Variants in SBF2 observed in about 807,000 individuals in gnomAD.
The protein encoded by SBF2 is SET binding factor 2.
SBF2 carries 112 observed loss-of-function variants against 225.2 expected under a neutral mutation model. That is an observed-to-expected ratio of 0.50 (90% CI 0.43 to 0.58). The LOEUF (loss-of-function observed/expected upper bound fraction) is 0.58, where lower values mean the gene tolerates loss of function less well. Among genes scored for constraint, SBF2 ranks in the 20% least tolerant of loss-of-function variants. The pLI, the probability that SBF2 is intolerant of heterozygous loss-of-function variation, is 0.00. For missense variants in SBF2, 1,996 were observed against 2,206.2 expected (o/e 0.90, Z 1.91); for synonymous variants, 763 against 773.3 (o/e 0.99, Z 0.22).
chr11:10,057,009 G>T (rs1950278635), intron 2 of SBF2, among the ~76,000 whole-genome samples: 1 of 152,116 alleles, frequency 6.6e-6, no homozygotes, highest in African/African-American at 2.4e-5. Context: ...TCCTACAGGT[G>T]CCTTTGGGCC....
intron 33 of SBF2, among the ~76,000 whole-genome samples, chr11:9,794,659 T>C (rs541311346): frequency 7.6e-4 from 76 of 99,866 alleles, no homozygotes; most frequent in African/African-American, 2.9e-3. Flanking sequence ...AGTGATACAG[T>C]GAGTGGGACT....
chr11:10,211,681 A>T (rs1484450215), intron 1 of SBF2, among the ~76,000 whole-genome samples: 1 of 152,216 alleles, frequency 6.6e-6, no homozygotes, highest in African/African-American at 2.4e-5. Flanking sequence ...AGATGAACAA[A>T]ATCCCTACAG....
At chr11:10,240,962 T>C (rs1173624776) in intron 1 of SBF2, among the ~76,000 whole-genome samples, 1 of 152,218 alleles carries the variant, frequency 6.6e-6, no homozygotes, top group African/African-American at 2.4e-5. Flanking sequence ...TCTAAAGATA[T>C]ACCAATTGTT....
In SBF2 at chr11:10,221,349, C is replaced by G. The variant is rs137939157; in HGVS notation, c.56-27362G>C. Among the ~76,000 whole-genome samples, 381 of 152,028 alleles carry G rather than the reference C, an allele frequency of 2.5e-3. 3 individuals are homozygous for G. Among genetic ancestry groups the G allele is most frequent in the African/African-American group, 8.8e-3 (367 of 41,470 alleles). Reference sequence around the variant, plus strand: ...GCCAGGCTAGTCTCAAACTCCTGACCTTAAGTGATCTGCCCGCCTCAGCCT... The same window carrying G: ...GCCAGGCTAGTCTCAAACTCCTGACGTTAAGTGATCTGCCCGCCTCAGCCT... On this transcript the variant is annotated intron_variant, in intron 1 of 39. Transcript: ENST00000256190.
At position 9,832,087 on chromosome 11, in the gene SBF2, T is replaced by C. The variant is rs1855434444; in HGVS notation, c.3652+137A>G. ...TAGTTCTTGTTTAAGCTGTACATGT[T>C]GCATGTAGCAAAGTGGAAAAGTTTG... On this transcript the variant is annotated intron_variant, in intron 27 of 39. Transcript: ENST00000256190. 5.4e-6 allele frequency: 4 copies of C among 738,032 alleles called. No individual in the cohort carries two copies. The South Asian group carries it at 6.0e-5, about 11-fold the overall frequency. The allele number at this position is 738,032 out of a possible 1,614,324, so 45.7% of individuals were successfully genotyped here.
intron 32 of SBF2, among the ~76,000 whole-genome samples, chr11:9,804,696 T>A (rs1026464909): frequency 6.6e-6 from 1 of 152,212 alleles, no homozygotes; most frequent in African/African-American, 2.4e-5. Context: ...AATAAACTTA[T>A]GTAGTAGTCT....
At position 9,993,566 on chromosome 11, in the gene SBF2, C is replaced by A. The variant is rs1947535342; in HGVS notation, c.1053+355G>T. 2.6e-5 allele frequency among the ~76,000 whole-genome samples: 4 copies of A among 152,230 alleles called. No individual in the cohort carries two copies. In the South Asian group the frequency reaches 6.2e-4, roughly 24 times the overall value. ...CTCCTATAACCAACATTCTTTATAT[C>A]CATTCTTGTAAGCATCTCTTTTGTT... On this transcript the variant is annotated intron_variant, in intron 10 of 39. Transcript: ENST00000256190.
chr11:10,210,202 G>C lies in SBF2; in HGVS notation c.56-16215C>G, dbSNP rs547440555. 9.1e-4 allele frequency among the ~76,000 whole-genome samples: 139 copies of C among 152,192 alleles called. 1 individual carries two copies. The highest frequency in any genetic ancestry group is 3.2e-3 in the African/African-American group (132 of 41,544). ...GCACACCTGTGGTCCCAGCTACACAGGAGGCTGAGGTGGCAGAATTGCTTG... is the reference window on the plus strand; with the variant it reads ...GCACACCTGTGGTCCCAGCTACACACGAGGCTGAGGTGGCAGAATTGCTTG... On this transcript the variant is annotated intron_variant, in intron 1 of 39. Transcript: ENST00000256190.
intron 9 of SBF2, among the ~76,000 whole-genome samples, chr11:9,995,306 C>T (rs559855864): frequency 6.6e-6 from 1 of 152,274 alleles, no homozygotes; most frequent in South Asian, 2.1e-4. Flanking sequence ...GAAATTATAT[C>T]AGTATGTAGC....
chr11:9,822,777 A>G (rs1482054752), intron 28 of SBF2, among the ~76,000 whole-genome samples: 1 of 152,182 alleles, frequency 6.6e-6, no homozygotes, highest in Non-Finnish European at 1.5e-5. Context: ...TGCTTAGGTC[A>G]CATGTGGGGC....
intron 14 of SBF2, among the ~76,000 whole-genome samples, chr11:9,967,949 C>CTGTCTGTCTGTCTGTCTG (rs1272756811): frequency 9.8e-6 from 1 of 102,128 alleles, no homozygotes; most frequent in African/African-American, 3.6e-5. Context: ...GTCTGTCTGT[C>CTGTCTGTCTGTCTGTCTG]TCTCTCTCTC....
chr11:10,054,416 AAG>A (rs1950177423), intron 2 of SBF2, among the ~76,000 whole-genome samples: 1 of 152,236 alleles, frequency 6.6e-6, no homozygotes, highest in African/African-American at 2.4e-5. Context: ...TATGTTCTCA[AAG>A]ACAAAGGATA....
At chr11:10,246,370 G>T (rs1041157035) in intron 1 of SBF2, among the ~76,000 whole-genome samples, 1 of 152,062 alleles carries the variant, frequency 6.6e-6, no homozygotes, top group African/African-American at 2.4e-5. Context: ...TGCAACCTCC[G>T]CCTCCCGGGT....
chr11:9,968,791 T>G (rs779182263), intron 13 of SBF2, among the ~76,000 whole-genome samples: 24 of 152,232 alleles, frequency 1.6e-4, no homozygotes, highest in Non-Finnish European at 2.5e-4. Flanking sequence ...TAGGTCTTCT[T>G]GCTACATCTT....
chr11:9,988,472 A>G (rs1001679675), intron 13 of SBF2, among the ~76,000 whole-genome samples: 1 of 152,202 alleles, frequency 6.6e-6, no homozygotes, highest in African/African-American at 2.4e-5. Flanking sequence ...CAGACAACCC[A>G]CAGAGTGGGA....
At chr11:10,232,818 T>A (rs1289036408) in intron 1 of SBF2, among the ~76,000 whole-genome samples, 1 of 152,248 alleles carries the variant, frequency 6.6e-6, no homozygotes, top group Non-Finnish European at 1.5e-5. Context: ...ATATGAAGCC[T>A]ATTTTCAAGC....
intron 2 of SBF2, among the ~76,000 whole-genome samples, chr11:10,072,392 C>T (rs1032263501): frequency 2.0e-5 from 3 of 152,178 alleles, no homozygotes; most frequent in African/African-American, 7.2e-5. Flanking sequence ...CAACAACCTA[C>T]TCACTTCTTG....
At chr11:10,263,891 C>T (rs932202264) in intron 1 of SBF2, among the ~76,000 whole-genome samples, 1 of 152,190 alleles carries the variant, frequency 6.6e-6, no homozygotes, top group Non-Finnish European at 1.5e-5. Context: ...TCCCATCATT[C>T]AAGCATTATC....
At chr11:10,154,030 T>C (rs1755269041) in intron 2 of SBF2, among the ~76,000 whole-genome samples, 1 of 152,116 alleles carries the variant, frequency 6.6e-6, no homozygotes, top group Admixed American at 6.5e-5. Context: ...TAAATTAATA[T>C]TGTTTATCGT....
Sources: allele counts gnomAD v4.1 joint callset (sites outside exome capture counted in the v4.1 genomes callset), GRCh38; gene constraint gnomAD v4.1.1; transcripts MANE v1.5; gene names NCBI Gene and HGNC (gene_info 2026-07-23, HGNC 2026-07-21).